The following DIDO1 variants were observed in gnomAD, a reference collection of about 807,000 sequenced individuals.
DIDO1 encodes the protein death-inducer obliterator 1.
DIDO1 carries 16 observed loss-of-function variants against 99.4 expected under a neutral mutation model. The ratio of observed to expected loss-of-function variants is 0.16; its 90% CI spans 0.11 to 0.24. DIDO1 has a LOEUF of 0.24. DIDO1 is among the 10% of genes least tolerant of loss of function. The pLI is 1.00. For missense variants in DIDO1, 2,996 were observed against 3,014.0 expected, an observed-to-expected ratio of 0.99 and a Z score of 0.14; for synonymous variants, 1,366 against 1,239.1, an observed-to-expected ratio of 1.10 and a Z score of -2.15.
At chr20:62,887,922 G>GGGGCA (rs2064323054) in intron 15 of DIDO1, 1 of 985,514 alleles carries the variant, frequency 1.0e-6, no homozygotes, top group Non-Finnish European at 1.2e-6. Flanking sequence ...GCGGGGCAGA[G>GGGGCA]GGGCAGAGGA....
At chr20:62,882,600 CGCCCCGGGAACGAGCT>C (rs2064229121) in intron 15 of DIDO1, among the ~76,000 whole-genome samples, 186 bp from the exon 16 acceptor site, 1 of 152,116 alleles carries the variant, frequency 6.6e-6, no homozygotes, top group Admixed American at 6.5e-5. Context: ...AGGAACGCAC[CGCCCCGGGAACGAGCT>C]GGGAACACAC....
intron 15 of DIDO1, chr20:62,888,514 C>T (rs3746767): frequency 0.22 from 214,812 of 985,462 alleles, 23,888 homozygotes; most frequent in East Asian, 0.27. Flanking sequence ...GCGCAGCACA[C>T]GCTCACCCCT....
intron 12 of DIDO1, 50 bp from the exon 13 acceptor site, chr20:62,893,012 G>T: frequency 1.3e-6 from 2 of 1,536,994 alleles, no homozygotes; most frequent in Non-Finnish European, 1.8e-6. Context: ...TGTGCAATGA[G>T]AATTTCAAAA....
chr20:62,917,845 C>T (rs1734203558), intron 1 of DIDO1, among the ~76,000 whole-genome samples: 1 of 152,190 alleles, frequency 6.6e-6, no homozygotes, highest in African/African-American at 2.4e-5. Flanking sequence ...TCAAACTCAC[C>T]AGAAAAGGCC....
upstream of DIDO1, among the ~76,000 whole-genome samples, chr20:62,929,692 A>AAAATATATATATATATATATATATAT: frequency 4.7e-5 from 3 of 63,708 alleles, no homozygotes; most frequent in South Asian, 1.1e-3. Context: ...AAAAAGAAAA[A>AAAATATATATATATATATATATATAT]GTGTATATAT....
chr20:62,912,884 T>C (rs2064972705), intron 2 of DIDO1, among the ~76,000 whole-genome samples: 1 of 151,956 alleles, frequency 6.6e-6, no homozygotes, highest in Non-Finnish European at 1.5e-5. Flanking sequence ...ATACAAAAAT[T>C]AGCTGGGCAT....
At chr20:62,927,018 A>G (rs2065268703), upstream of DIDO1, among the ~76,000 whole-genome samples, 1 of 151,710 alleles carries the variant, frequency 6.6e-6, no homozygotes, top group African/African-American at 2.4e-5. Context: ...GCGAGGGGCG[A>G]GGTCCAGGTG....
upstream of DIDO1, among the ~76,000 whole-genome samples, chr20:62,928,414 T>C (rs2065288266): frequency 6.6e-6 from 1 of 151,908 alleles, no homozygotes; most frequent in African/African-American, 2.4e-5. Flanking sequence ...CGTTCTCATC[T>C]CCCCCGCCCC....
chr20:62,913,003 G>A (rs1312895089), intron 2 of DIDO1, among the ~76,000 whole-genome samples: 2 of 152,220 alleles, frequency 1.3e-5, no homozygotes, highest in Non-Finnish European at 2.9e-5. Flanking sequence ...CTGCACTCCA[G>A]CCTGGGCGAG....
upstream of DIDO1, among the ~76,000 whole-genome samples, chr20:62,930,218 CAA>C (rs11477620): frequency 0.019 from 2,601 of 140,532 alleles, 84 homozygotes; most frequent in African/African-American, 0.062. Context: ...AACAAACAAA[CAA>C]AAAAAAAAAA....
chr20:62,886,640 C>T lies in DIDO1; in HGVS notation c.3542-4226G>A, dbSNP rs931739888. Among the ~76,000 whole-genome samples, 3 of 152,238 alleles carry T rather than the reference C, an allele frequency of 2.0e-5. No homozygotes were observed. In the East Asian group the frequency reaches 5.8e-4, roughly 29 times the overall value. On this transcript the variant is annotated intron_variant, in intron 15 of 15. Transcript: ENST00000395343. ...GGCTGCAGGAAGACGCTCCTTCTTA[C>T]TAAATGAACCACCCGAAACCTGACT...
intron 15 of DIDO1, chr20:62,887,087 C>T: frequency 1.0e-6 from 1 of 984,220 alleles, no homozygotes. Flanking sequence ...TCTCCAGCAG[C>T]TGCTGGGTGG....
rs780511586 is a variant in DIDO1, at chr20:62,879,384, C to T, written c.6572G>A (p.Arg2191Gln). The T allele has an allele frequency of 1.9e-6, 3 of 1,544,620 alleles. No individual in the cohort carries two copies. Among genetic ancestry groups the T allele is most frequent in the Admixed American group, 3.9e-5 (2 of 51,144 alleles). ...TCGGTCCCGCTCTCTGCTCCGGGACCGGTCCCGGTCGCGCCTCCGGTCTCG... is the reference window on the plus strand; with the variant it reads ...TCGGTCCCGCTCTCTGCTCCGGGACTGGTCCCGGTCGCGCCTCCGGTCTCG... ...RERDRRRDRD[R>Q]SRSRERDRDK... is the part of the protein sequence containing the mutation. The change falls in exon 16 of 16, where the codon CGG becomes CAG. Residue 2191 changes from arginine to glutamine, a missense_variant. Arg to Gln is a conservative substitution (Grantham distance 43). Transcript: ENST00000395343. The surrounding 1 kb of genome is among the most constrained non-coding windows in gnomAD (Gnocchi z 6.3).
intron 14 of DIDO1, among the ~76,000 whole-genome samples, 182 bp from the exon 15 acceptor site, chr20:62,891,337 G>A (rs567457926): frequency 6.6e-6 from 1 of 152,324 alleles, no homozygotes; most frequent in African/African-American, 2.4e-5. Flanking sequence ...AGTGTCTGGA[G>A]CCGAGCCGGC....
chr20:62,920,375 C>T (rs1275628932), intron 1 of DIDO1, among the ~76,000 whole-genome samples: 1 of 152,180 alleles, frequency 6.6e-6, no homozygotes, highest in South Asian at 2.1e-4. Context: ...TGCCTCCCCC[C>T]AACCCCCGAT....
Position 62,922,127 on chromosome 20 carries a change from T to C in DIDO1, c.-200+4312A>G, listed in dbSNP as rs868322303. Among the ~76,000 whole-genome samples, 599 of 121,720 alleles carry C rather than the reference T, an allele frequency of 4.9e-3. 5 individuals are homozygous for C. Among genetic ancestry groups the C allele is most frequent in the Middle Eastern group, 0.037 (8 of 214 alleles). The allele number at this position is 121,720 out of a possible 152,430, so 79.9% of individuals were successfully genotyped here. A position where few individuals can be genotyped will look rare whatever the true frequency, so the allele number is the denominator to read the frequency against. ...ATATATATACACACACACACACACA[T>C]ATATACATATATACACACACACACA... On this transcript the variant is annotated intron_variant, in intron 1 of 15. Transcript: ENST00000395343.
intron 1 of DIDO1, among the ~76,000 whole-genome samples, chr20:62,922,331 C>T (rs936721115): frequency 6.6e-6 from 1 of 151,928 alleles, no homozygotes; most frequent in Admixed American, 6.6e-5. Context: ...GGGGCCTACT[C>T]CCCTCAGTGC....
intron 15 of DIDO1, chr20:62,890,640 C>A: frequency 8.2e-6 from 10 of 1,217,282 alleles, no homozygotes; most frequent in Non-Finnish European, 9.3e-6. Context: ...GGGAGTGTCA[C>A]CTCCCTTTCT....
intron 13 of DIDO1, 81 bp from the exon 14 acceptor site, chr20:62,892,157 A>T: frequency 8.7e-7 from 1 of 1,151,392 alleles, no homozygotes; most frequent in Non-Finnish European, 1.2e-6. Context: ...GAAGGCACAC[A>T]CTACCCAAGA....
Sources: gnomAD v4.1 joint callset for allele counts (sites outside exome capture counted in the v4.1 genomes callset) on GRCh38, gnomAD v4.1.1 for gene constraint, Gnocchi (gnomAD v3.1) non-coding constraint, MANE v1.5 for transcripts, NCBI Gene and HGNC (gene_info 2026-07-23, HGNC 2026-07-21) for gene names.